Variants in SPRED2 observed in about 807,000 individuals in gnomAD.
SPRED2 encodes sprouty-related, EVH1 domain-containing protein 2.
In SPRED2, 47 loss-of-function variants were observed where a neutral mutation model predicts 43.0. The observed-to-expected ratio is 1.09, with a 90% confidence interval of 0.87 to 1.40. The LOEUF (loss-of-function observed/expected upper bound fraction) is 1.40. SPRED2 is among the 40% of genes most tolerant of loss of function. The pLI, the probability that SPRED2 is intolerant of heterozygous loss-of-function variation, is 0.00. For synonymous variants in SPRED2, 225 were observed against 225.7 expected (o/e 1.00, Z 0.03); for missense variants, 561 against 586.4 (o/e 0.96, Z 0.45).
At chr2:65,368,481 T>G (rs1196000514) in intron 1 of SPRED2, among the ~76,000 whole-genome samples, 1 of 152,192 alleles carries the variant, frequency 6.6e-6, no homozygotes, top group Non-Finnish European at 1.5e-5. Flanking sequence ...ATTAATAAAC[T>G]TGTAGTCTAA....
At position 65,432,147 on chromosome 2, in the gene SPRED2, G is replaced by A; in HGVS notation, c.-160C>T. On this transcript the variant is annotated 5_prime_UTR_variant, in exon 1 of 6. Transcript: ENST00000356388. ...GCGCCGCAGCAGAAGGGGAAGCAGG[G>A]CGCGGGATAGGGTTTGGGGGAAGGG... 1 of 878,846 alleles carries A rather than the reference G, an allele frequency of 1.1e-6. No homozygotes were observed. Among genetic ancestry groups the A allele is most frequent in the Admixed American group, 2.1e-5 (1 of 48,292 alleles). 54.4% of individuals were successfully genotyped at this position (878,846 alleles called of 1,614,324 possible). A position where few individuals can be genotyped will look rare whatever the true frequency, so the allele number is the denominator to read the frequency against.
At chr2:65,361,791 C>T (rs1471154856) in intron 1 of SPRED2, among the ~76,000 whole-genome samples, 3 of 152,262 alleles carry the variant, frequency 2.0e-5, no homozygotes, top group Admixed American at 1.3e-4. Context: ...AGAACACATG[C>T]CCACCCACAG....
At chr2:65,398,282 A>G (rs188466468) in intron 1 of SPRED2, among the ~76,000 whole-genome samples, 155 of 152,374 alleles carry the variant, frequency 1.0e-3, no homozygotes, top group Non-Finnish European at 1.7e-3. Context: ...AACCAAAAAG[A>G]TTTTAGAAGA....
intron 2 of SPRED2, among the ~76,000 whole-genome samples, chr2:65,336,001 A>G (rs189353527): frequency 6.6e-6 from 1 of 152,360 alleles, no homozygotes; most frequent in East Asian, 1.9e-4. Flanking sequence ...TGCCTAAATT[A>G]GTATACAGAT....
intron 1 of SPRED2, among the ~76,000 whole-genome samples, chr2:65,418,692 T>C: frequency 6.6e-6 from 1 of 152,054 alleles, no homozygotes; most frequent in East Asian, 1.9e-4. Flanking sequence ...TAGCTGGGAC[T>C]ACACATGCAC....
chr2:65,338,907 G>C (rs1415746480), intron 2 of SPRED2, among the ~76,000 whole-genome samples: 1 of 148,388 alleles, frequency 6.7e-6, no homozygotes, highest in African/African-American at 2.5e-5. Context: ...GTCTCTGCCC[G>C]GCAGCCCATC....
intron 1 of SPRED2, among the ~76,000 whole-genome samples, chr2:65,350,877 T>C (rs1674490051): frequency 6.6e-6 from 1 of 152,252 alleles, no homozygotes; most frequent in African/African-American, 2.4e-5. Flanking sequence ...ATGTGTGCTC[T>C]AGGGCCAGGC....
chr2:65,368,860 C>A (rs1269364621), intron 1 of SPRED2, among the ~76,000 whole-genome samples: 2 of 152,108 alleles, frequency 1.3e-5, no homozygotes, highest in East Asian at 3.9e-4. Context: ...GGTGGGAGGA[C>A]TGCTTGAGGC....
intron 1 of SPRED2, among the ~76,000 whole-genome samples, chr2:65,359,444 C>T (rs1447831537): frequency 6.6e-6 from 1 of 152,082 alleles, no homozygotes; most frequent in Non-Finnish European, 1.5e-5. Context: ...AATACTAGAG[C>T]TATCTCCACC....
chr2:65,412,096 C>T lies in SPRED2; in HGVS notation c.26+19866G>A, dbSNP rs1439456451. 2.7e-5 allele frequency among the ~76,000 whole-genome samples: 4 copies of T among 149,334 alleles called. No individual in the cohort carries two copies. The Admixed American group carries it at 2.7e-4, about 10-fold the overall frequency. ...TGAGCCGACATGCACCACTGCACTC[C>T]AGCCTGGGCGACACAGTGAGACTGT... On this transcript the variant is annotated intron_variant, in intron 1 of 5. Coordinates refer to ENST00000356388, the MANE Select transcript of SPRED2 (RefSeq NM_181784.3).
intron 1 of SPRED2, among the ~76,000 whole-genome samples, chr2:65,403,765 A>C (rs1001107950): frequency 6.6e-6 from 1 of 152,206 alleles, no homozygotes; most frequent in African/African-American, 2.4e-5. Flanking sequence ...CGTGACTCAC[A>C]TGCATATCAA....
intron 1 of SPRED2, among the ~76,000 whole-genome samples, chr2:65,368,380 G>C (rs1207397428): frequency 6.6e-6 from 1 of 152,200 alleles, no homozygotes; most frequent in Non-Finnish European, 1.5e-5. Context: ...GCAGGCTGCA[G>C]CCTTATCAAA....
chr2:65,356,931 T>A (rs1009075094), intron 1 of SPRED2, among the ~76,000 whole-genome samples: 1 of 151,982 alleles, frequency 6.6e-6, no homozygotes, highest in African/African-American at 2.4e-5. Flanking sequence ...GAAGCGGAGT[T>A]AGAAGTGAGC....
Position 65,313,767 on chromosome 2 carries a change from C to T in SPRED2, c.991G>A (p.Asp331Asn). The T allele has an allele frequency of 1.2e-6, 2 of 1,614,178 alleles. No homozygotes were observed. Among genetic ancestry groups the T allele is most frequent in the Non-Finnish European group, 1.7e-6 (2 of 1,180,026 alleles). Reference sequence around the variant, plus strand: ...CGGCGGATGCAAGTTCTCACGGAGTCGGGCGCGTCCTGGCAGTGGCCCCGG... The same window carrying T: ...CGGCGGATGCAAGTTCTCACGGAGTTGGGCGCGTCCTGGCAGTGGCCCCGG... The part of the protein sequence containing the change: ...NRRGHCQDAP[D>N]SVRTCIRRVS... The change falls in exon 6 of 6, where the codon GAC becomes AAC. Residue 331 changes from aspartate to asparagine, a missense_variant. Asp to Asn is a conservative substitution (Grantham distance 23). Coordinates refer to ENST00000356388, the MANE Select transcript of SPRED2 (RefSeq NM_181784.3).
At chr2:65,392,053 A>G (rs980934878) in intron 1 of SPRED2, among the ~76,000 whole-genome samples, 3 of 151,580 alleles carry the variant, frequency 2.0e-5, no homozygotes, top group African/African-American at 7.3e-5. Flanking sequence ...AACTCTTCAT[A>G]GTTTTATATT....
At chr2:65,409,763 T>C (rs188132872) in intron 1 of SPRED2, among the ~76,000 whole-genome samples, 18 of 149,204 alleles carry the variant, frequency 1.2e-4, no homozygotes, top group East Asian at 3.9e-4. Flanking sequence ...AGGCTGGGCA[T>C]GGTGGCTCAC....
intron 1 of SPRED2, among the ~76,000 whole-genome samples, chr2:65,386,221 G>T (rs1675495771): frequency 6.8e-6 from 1 of 147,532 alleles, no homozygotes; most frequent in African/African-American, 2.5e-5. Flanking sequence ...GGAGATGGAG[G>T]TTGCAGGGAG....
chr2:65,428,399 T>C (rs780749240), intron 1 of SPRED2, among the ~76,000 whole-genome samples: 6 of 152,232 alleles, frequency 3.9e-5, no homozygotes, highest in Non-Finnish European at 7.3e-5. Context: ...GGGTCTTCGA[T>C]TGGTCTCTGG....
chr2:65,400,373 T>C (rs1216775764), intron 1 of SPRED2, among the ~76,000 whole-genome samples: 1 of 152,250 alleles, frequency 6.6e-6, no homozygotes, highest in Non-Finnish European at 1.5e-5. Context: ...TGAATTATTG[T>C]TTCATCCACA....
Sources: allele counts gnomAD v4.1 joint callset (sites outside exome capture counted in the v4.1 genomes callset), GRCh38; gene constraint gnomAD v4.1.1; transcripts MANE v1.5; gene names NCBI Gene and HGNC (gene_info 2026-07-23, HGNC 2026-07-21).